EVL: variants seen among roughly 807,000 people sequenced by gnomAD.
EVL encodes the protein ena/VASP-like protein.
EVL carries 21 observed loss-of-function variants against 59.6 expected under a neutral mutation model. The ratio of observed to expected loss-of-function variants is 0.35; its 90% CI spans 0.25 to 0.51. The LOEUF is 0.51. Ranked by LOEUF, EVL falls within the 20% of genes least tolerant of loss-of-function variation. The probability of loss-of-function intolerance (pLI) is 0.97; values close to 1 mark genes in which losing one functional copy is unlikely to be tolerated. For synonymous variants in EVL, 198 were observed against 203.5 expected (o/e 0.97, Z 0.23); for missense variants, 462 against 546.6 (o/e 0.85, Z 1.54).
intron 1 of EVL, among the ~76,000 whole-genome samples, chr14:99,999,887 G>A (rs938467642): frequency 2.0e-5 from 3 of 152,186 alleles, no homozygotes; most frequent in Non-Finnish European, 4.4e-5. Flanking sequence ...GTCTTTTGGG[G>A]AACCCCTGTT....
intron 1 of EVL, among the ~76,000 whole-genome samples, chr14:100,072,294 C>T (rs544646134): frequency 2.0e-4 from 31 of 152,288 alleles, no homozygotes; most frequent in African/African-American, 7.5e-4. Context: ...GAGCTATCTC[C>T]GCTCAGTGCA....
intron 10 of EVL, 32 bp downstream of exon 10, chr14:100,137,676 G>A: frequency 6.2e-7 from 1 of 1,614,146 alleles, no homozygotes; most frequent in South Asian, 1.1e-5. Flanking sequence ...TGAGCAGCGA[G>A]GCTGGTGGGG....
intron 1 of EVL, among the ~76,000 whole-genome samples, chr14:100,006,392 C>G (rs965855510): frequency 6.7e-6 from 1 of 150,092 alleles, no homozygotes; most frequent in African/African-American, 2.5e-5. Context: ...TCAAGCAATT[C>G]TCCTGCGTCA....
intron 1 of EVL, among the ~76,000 whole-genome samples, chr14:100,035,338 G>GT (rs33999027): frequency 0.36 from 52,925 of 149,024 alleles, 12,613 homozygotes; most frequent in African/African-American, 0.67. Context: ...CAGTGTATGT[G>GT]TTTTTTTTTC....
chr14:99,981,301 G>A (rs916420034), intron 1 of EVL, among the ~76,000 whole-genome samples: 3 of 151,368 alleles, frequency 2.0e-5, no homozygotes, highest in Admixed American at 2.0e-4. Context: ...GCGTGGTGGC[G>A]GGCGCCTGTA....
intron 1 of EVL, among the ~76,000 whole-genome samples, chr14:100,030,138 G>A (rs1365097414): frequency 3.4e-5 from 5 of 149,182 alleles, no homozygotes; most frequent in Non-Finnish European, 5.9e-5. Context: ...TGTTGCCCAG[G>A]CTGGGGTACA....
chr14:100,062,114 C>T (rs935292965), upstream of EVL, among the ~76,000 whole-genome samples: 8 of 151,120 alleles, frequency 5.3e-5, no homozygotes, highest in Admixed American at 4.6e-4. Context: ...CGCCGGCCTA[C>T]GCAACAGAGT....
At chr14:100,100,098 A>C (rs1886111496) in intron 3 of EVL, among the ~76,000 whole-genome samples, 1 of 152,104 alleles carries the variant, frequency 6.6e-6, no homozygotes, top group Non-Finnish European at 1.5e-5. Flanking sequence ...TCACAGGTAA[A>C]TCTGTTAATC....
intron 1 of EVL, among the ~76,000 whole-genome samples, chr14:100,017,063 C>T (rs1298389711): frequency 2.0e-5 from 3 of 152,186 alleles, no homozygotes; most frequent in Non-Finnish European, 4.4e-5. Context: ...TTAGCTCAGC[C>T]GGAATCCATG....
intron 1 of EVL, among the ~76,000 whole-genome samples, chr14:99,980,200 T>C (rs2060797483): frequency 6.6e-6 from 1 of 152,242 alleles, no homozygotes; most frequent in Admixed American, 6.5e-5. Flanking sequence ...ATTCTTCAAA[T>C]GGTCTGAAAT....
chr14:99,985,424 A>G (rs2140173671), intron 1 of EVL, among the ~76,000 whole-genome samples: 1 of 152,012 alleles, frequency 6.6e-6, no homozygotes, highest in Non-Finnish European at 1.5e-5. Flanking sequence ...GGCTTTTCAG[A>G]TGCTTGAAGA....
At chr14:100,079,927 A>G (rs1045088728) in intron 1 of EVL, among the ~76,000 whole-genome samples, 5 of 152,174 alleles carry the variant, frequency 3.3e-5, no homozygotes, top group African/African-American at 1.2e-4. Flanking sequence ...CTGGGACTAC[A>G]GGCATGTTCC....
At chr14:99,997,136 T>C (rs2060919042) in intron 1 of EVL, among the ~76,000 whole-genome samples, 2 of 152,372 alleles carry the variant, frequency 1.3e-5, no homozygotes, top group South Asian at 4.1e-4. Flanking sequence ...TCAGTTTGTG[T>C]CATTTCCCAT....
At chr14:100,137,989 T>C (rs1888918770) in intron 11 of EVL, 187 bp downstream of exon 11, 1 of 625,770 alleles carries the variant, frequency 1.6e-6, no homozygotes, top group Non-Finnish European at 2.8e-6. Flanking sequence ...GTCTTTTCCC[T>C]CTGAGAGAGA....
chr14:100,116,549 C>T (rs1173922656), intron 3 of EVL, among the ~76,000 whole-genome samples: 1 of 152,154 alleles, frequency 6.6e-6, no homozygotes, highest in African/African-American at 2.4e-5. Context: ...AGGCCTTCTT[C>T]AGGAGGAGGG....
intron 1 of EVL, among the ~76,000 whole-genome samples, chr14:100,015,712 T>C (rs1209161): frequency 0.36 from 54,851 of 152,152 alleles, 13,752 homozygotes; most frequent in African/African-American, 0.71. Context: ...CTTCTTCAGC[T>C]GGAACTATTC....
At position 100,128,735 on chromosome 14, in the gene EVL, G is replaced by A. The variant is rs936369985; in HGVS notation, c.704G>A (p.Arg235Lys). The A allele has an allele frequency of 1.1e-5, 17 of 1,605,686 alleles. No individual in the cohort carries two copies. Among genetic ancestry groups the A allele is most frequent in the Non-Finnish European group, 1.2e-5 (14 of 1,179,762 alleles). Reference sequence around the variant, plus strand: ...GCTGCCATAGCTGGGGCCAAGCTGAGAAGAGTCCAACGGGTAAGAGCTCCT... The same window carrying A: ...GCTGCCATAGCTGGGGCCAAGCTGAAAAGAGTCCAACGGGTAAGAGCTCCT... ...LAAAIAGAKL[R>K]RVQRPEDASG... Residue 235 changes from arginine (R) to lysine (K), a missense_variant, in exon 6 of 14, where the codon AGA becomes AAA. Physicochemically the swap from Arg to Lys is conservative, Grantham distance 26. Transcript: ENST00000392920.
At chr14:100,073,962 T>G (rs2062103997) in intron 1 of EVL, among the ~76,000 whole-genome samples, 1 of 143,184 alleles carries the variant, frequency 7.0e-6, no homozygotes. Flanking sequence ...CCCGAGGGTG[T>G]GCATTAGCAT....
chr14:100,047,182 A>C (rs1241291807), intron 1 of EVL, among the ~76,000 whole-genome samples: 3 of 136,150 alleles, frequency 2.2e-5, no homozygotes, highest in East Asian at 2.2e-4. Flanking sequence ...CGTTAAACCT[A>C]GGACAGAAAC....
Sources: allele counts gnomAD v4.1 joint callset (sites outside exome capture counted in the v4.1 genomes callset), GRCh38; gene constraint gnomAD v4.1.1; transcripts MANE v1.5; gene names NCBI Gene and HGNC (gene_info 2026-07-23, HGNC 2026-07-21).